Variants in KLHDC10 observed in about 807,000 individuals in gnomAD.
The protein encoded by KLHDC10 is kelch domain-containing protein 10.
Under a neutral mutation model 56.1 loss-of-function variants are expected in KLHDC10, and 24 were observed. That is an observed-to-expected ratio of 0.43 (90% confidence interval 0.31 to 0.60). The LOEUF (loss-of-function observed/expected upper bound fraction) is 0.60, where lower values mean the gene tolerates loss of function less well. Ranked by LOEUF, KLHDC10 falls within the 20% of genes least tolerant of loss-of-function variation. The pLI is 0.11. For missense variants in KLHDC10, 349 were observed against 567.0 expected, an observed-to-expected ratio of 0.62 and a Z score of 3.91; for synonymous variants, 188 against 207.1, an observed-to-expected ratio of 0.91 and a Z score of 0.79.
At chr7:130,072,697 G>A (rs1232269030) in intron 1 of KLHDC10, among the ~76,000 whole-genome samples, 1 of 152,088 alleles carries the variant, frequency 6.6e-6, no homozygotes, top group East Asian at 1.9e-4. Context: ...GGGAGGAATA[G>A]GATGTCTAGG....
At chr7:130,082,570 C>G (rs1030696368) in intron 1 of KLHDC10, among the ~76,000 whole-genome samples, 1 of 152,146 alleles carries the variant, frequency 6.6e-6, no homozygotes, top group African/African-American at 2.4e-5. Flanking sequence ...GGTGGAATCT[C>G]TTTCTCCTCA....
intron 8 of KLHDC10, among the ~76,000 whole-genome samples, chr7:130,128,889 A>AAAAAAATATATATATATATATATAT: frequency 1.8e-4 from 12 of 66,954 alleles, no homozygotes; most frequent in Non-Finnish European, 2.2e-4. Context: ...AAAAAAAAAA[A>AAAAAAATATATATATATATATATAT]ATATATATAT....
intron 2 of KLHDC10, among the ~76,000 whole-genome samples, chr7:130,107,017 A>G (rs1398786699): frequency 6.6e-6 from 1 of 152,238 alleles, no homozygotes; most frequent in Non-Finnish European, 1.5e-5. Flanking sequence ...TGGTAAGGGA[A>G]AACATTCTTA....
At chr7:130,077,325 G>A (rs1441426516) in intron 1 of KLHDC10, among the ~76,000 whole-genome samples, 1 of 108,740 alleles carries the variant, frequency 9.2e-6, no homozygotes, top group Non-Finnish European at 1.7e-5. Context: ...CTGCACTCCA[G>A]CCTGGGTGAC....
Position 130,132,547 on chromosome 7 carries a change from G to A in KLHDC10, c.*1801G>A, listed in dbSNP as rs1796415632. 6.6e-6 allele frequency: 1 copy of A among 152,154 alleles called. No homozygotes were observed. Among genetic ancestry groups the A allele is most frequent in the South Asian group, 2.1e-4 (1 of 4,824 alleles). 9.4% of individuals were successfully genotyped at this position (152,154 alleles called of 1,614,324 possible). On this transcript the variant is annotated 3_prime_UTR_variant, in exon 10 of 10. Coordinates refer to ENST00000335420, the MANE Select transcript of KLHDC10 (RefSeq NM_014997.4). ...AATAACCACGCACCTGTGAACGTGG[G>A]TCCTTTCTGGGGAGTGAGGAATGTG...
At position 130,127,288 on chromosome 7, in the gene KLHDC10, C is replaced by A. The variant is rs2116919434; in HGVS notation, c.932-116C>A. 4 of 817,848 alleles carry A rather than the reference C, an allele frequency of 4.9e-6. No individual in the cohort carries two copies. In the East Asian group the frequency reaches 7.4e-5, roughly 15 times the overall value. 50.7% of individuals were successfully genotyped at this position (817,848 alleles called of 1,614,324 possible). A position where few individuals can be genotyped will look rare whatever the true frequency, so the allele number is the denominator to read the frequency against. ...GAAGGACTAGTCAATGTTTGCTTAA[C>A]ATGTAACAAAGGGATTGTTTTGAGT... On this transcript the variant is annotated intron_variant, in intron 7 of 9. Coordinates refer to ENST00000335420, the MANE Select transcript of KLHDC10 (RefSeq NM_014997.4).
chr7:130,086,826 G>T (rs930985030), intron 1 of KLHDC10, among the ~76,000 whole-genome samples: 9 of 152,140 alleles, frequency 5.9e-5, no homozygotes, highest in Non-Finnish European at 1.0e-4. Flanking sequence ...TTGCTAATTT[G>T]CCTTTTAATA....
intron 1 of KLHDC10, among the ~76,000 whole-genome samples, chr7:130,082,233 A>C (rs1795618589): frequency 6.6e-6 from 1 of 152,150 alleles, no homozygotes; most frequent in Admixed American, 6.5e-5. Flanking sequence ...CTGAGGCAGG[A>C]GGATTGTCTG....
intron 1 of KLHDC10, among the ~76,000 whole-genome samples, 176 bp from the exon 2 acceptor site, chr7:130,096,745 T>C (rs1262971547): frequency 6.6e-6 from 1 of 152,218 alleles, no homozygotes; most frequent in Non-Finnish European, 1.5e-5. Flanking sequence ...TCACTGCTTA[T>C]ATGTTAATTT....
chr7:130,116,731 C>G lies in KLHDC10; in HGVS notation c.475+65C>G, dbSNP rs539472540. 51 of 1,240,530 alleles carry G rather than the reference C, an allele frequency of 4.1e-5. 1 individual carries two copies. The African/African-American group carries it at 5.5e-4, about 13-fold the overall frequency. 76.8% of individuals were successfully genotyped at this position (1,240,530 alleles called of 1,614,324 possible). The stretch of plus-strand genomic sequence containing the variant: ...GTCTGAGAAGCCAGGTTCAATGTCC[C>G]ATATTCCTCATTAATAATTTATAAC... On this transcript the variant is annotated intron_variant, in intron 3 of 9. Coordinates refer to ENST00000335420, the MANE Select transcript of KLHDC10 (RefSeq NM_014997.4). This position sits in a 1 kb window ranked among gnomAD's most constrained non-coding sequence, Gnocchi z 4.8.
Position 130,099,077 on chromosome 7 carries a change from A to G in KLHDC10, c.253+2070A>G, listed in dbSNP as rs78996295. 4.4e-4 allele frequency among the ~76,000 whole-genome samples: 67 copies of G among 152,226 alleles called. 1 individual carries two copies. In the East Asian group the frequency reaches 0.012, roughly 28 times the overall value. ...TTTGTAGTGTTTGAGGCTGTTGACT[A>G]CTTGCCCTTCTTAAATTTTTCTCTT... On this transcript the variant is annotated intron_variant, in intron 2 of 9. Transcript: ENST00000335420.
At chr7:130,102,681 C>T (rs1795948964) in intron 2 of KLHDC10, among the ~76,000 whole-genome samples, 1 of 151,998 alleles carries the variant, frequency 6.6e-6, no homozygotes, top group Non-Finnish European at 1.5e-5. Flanking sequence ...CTAAAGTTAG[C>T]TGGGTATGGT....
chr7:130,096,296 CAT>C (rs1795846670), intron 1 of KLHDC10, among the ~76,000 whole-genome samples: 1 of 152,062 alleles, frequency 6.6e-6, no homozygotes, highest in Admixed American at 6.6e-5. Context: ...TATAAGAAAA[CAT>C]ATTTTAATTG....
chr7:130,130,544 G>C lies in KLHDC10; in HGVS notation c.1127G>C (p.Cys376Ser). The part of the protein sequence containing the change: ...FHCAAVTPAG[C>S]MYIHGGVVNI... ...TCTTTTGACTACTCATAGGCTGGTT[G>C]CATGTACATTCATGGAGGAGTGGTG... The change falls in exon 10 of 10, where the codon TGC becomes TCC. Residue 376 changes from cysteine to serine, a missense_variant. Transcript: ENST00000335420. The surrounding 1 kb of genome is among the most constrained non-coding windows in gnomAD (Gnocchi z 4.2). 6.2e-7 allele frequency: 1 copy of C among 1,613,784 alleles called. No homozygotes were observed. The highest frequency in any genetic ancestry group is 8.5e-7 in the Non-Finnish European group (1 of 1,179,788).
intron 6 of KLHDC10, 22 bp from the exon 7 acceptor site, chr7:130,125,843 T>A (rs753972429): frequency 1.3e-6 from 2 of 1,564,482 alleles, no homozygotes; most frequent in Non-Finnish European, 1.7e-6. Context: ...TGTATGTGTA[T>A]ATGTTCTTTT....
rs1190491706 is a variant in KLHDC10 at position 130,130,784 on chromosome 7, T to A, written c.*38T>A. The stretch of plus-strand genomic sequence containing the variant: ...TGTTCATTGATACTGGAAATGTTAA[T>A]TTAAAGAGACTCCTTTATTTATGGG... On this transcript the variant is annotated 3_prime_UTR_variant, in exon 10 of 10. Transcript: ENST00000335420. The surrounding 1 kb of genome is among the most constrained non-coding windows in gnomAD (Gnocchi z 4.2). 2 of 1,578,632 alleles carry A rather than the reference T, an allele frequency of 1.3e-6. No homozygotes were observed. The highest frequency in any genetic ancestry group is 8.7e-7 in the Non-Finnish European group (1 of 1,147,976).
At chr7:130,115,199 A>T (rs1304147389) in intron 2 of KLHDC10, among the ~76,000 whole-genome samples, 1 of 152,198 alleles carries the variant, frequency 6.6e-6, no homozygotes, top group Non-Finnish European at 1.5e-5. Context: ...TATTAACTTT[A>T]TACTAGTATC....
At chr7:130,118,007 C>A (rs986436346) in intron 3 of KLHDC10, among the ~76,000 whole-genome samples, 3 of 151,278 alleles carry the variant, frequency 2.0e-5, no homozygotes, top group African/African-American at 7.3e-5. Flanking sequence ...CTACAAAAAA[C>A]ACACACACAA....
intron 2 of KLHDC10, among the ~76,000 whole-genome samples, chr7:130,098,986 TAACTC>T (rs948991149): frequency 6.6e-6 from 1 of 152,222 alleles, no homozygotes; most frequent in Non-Finnish European, 1.5e-5. Flanking sequence ...AGGTGGGAGT[TAACTC>T]AGCATCAGCA....
Sources: gnomAD v4.1 joint callset for allele counts (sites outside exome capture counted in the v4.1 genomes callset) on GRCh38, gnomAD v4.1.1 for gene constraint, Gnocchi (gnomAD v3.1) non-coding constraint, MANE v1.5 for transcripts, NCBI Gene and HGNC (gene_info 2026-07-23, HGNC 2026-07-21) for gene names.